SNX4: variants seen among roughly 807,000 people sequenced by gnomAD.
The protein encoded by SNX4 is sorting nexin 4.
In SNX4, 49 loss-of-function variants were observed where a neutral mutation model predicts 70.8. That is an observed-to-expected ratio of 0.69 (90% CI 0.55 to 0.88). The LOEUF is 0.88. Among genes scored for constraint, SNX4 ranks in the 40% least tolerant of loss-of-function variants. The pLI, the probability that SNX4 is intolerant of heterozygous loss-of-function variation, is 0.00. For synonymous variants in SNX4, 206 were observed against 183.8 expected, an observed-to-expected ratio of 1.12 and a Z score of -0.98; for missense variants, 528 against 544.8, an observed-to-expected ratio of 0.97 and a Z score of 0.31.
chr3:125,463,919 A>AT (rs1202570351), intron 9 of SNX4, among the ~76,000 whole-genome samples: 1 of 152,120 alleles, frequency 6.6e-6, no homozygotes, highest in Non-Finnish European at 1.5e-5. Context: ...TTTTTAAAAA[A>AT]TAGTAAAGGC....
chr3:125,510,644 T>A (rs746773942), intron 1 of SNX4, among the ~76,000 whole-genome samples: 1 of 152,238 alleles, frequency 6.6e-6, no homozygotes, highest in Non-Finnish European at 1.5e-5. Flanking sequence ...AAAGACATTA[T>A]GATAAGTGAA....
intron 2 of SNX4, among the ~76,000 whole-genome samples, chr3:125,499,116 C>T (rs2107561104): frequency 6.6e-6 from 1 of 152,290 alleles, no homozygotes; most frequent in African/African-American, 2.4e-5. Flanking sequence ...TGCCATGTCT[C>T]ATACATACAA....
Position 125,492,421 on chromosome 3 carries a change from A to G in SNX4, c.598-2958T>C, listed in dbSNP as rs139648381. 5.0e-4 allele frequency among the ~76,000 whole-genome samples: 76 copies of G among 151,280 alleles called. No homozygotes were observed. The East Asian group carries it at 0.013, about 26-fold the overall frequency. Reference sequence around the variant, plus strand: ...AGTCCTGGTTTATAACTGTTGTCCTAATCTTTTTTTTTTTCAAGACAGAGT... The same window carrying G: ...AGTCCTGGTTTATAACTGTTGTCCTGATCTTTTTTTTTTTCAAGACAGAGT... On this transcript the variant is annotated intron_variant, in intron 5 of 13. Transcript: ENST00000251775.
chr3:125,492,052 G>A (rs1437958168), intron 5 of SNX4, among the ~76,000 whole-genome samples: 1 of 141,164 alleles, frequency 7.1e-6, no homozygotes, highest in African/African-American at 2.7e-5. Flanking sequence ...AGTTTGCAGT[G>A]AGCCGAGATC....
At chr3:125,466,859 C>T (rs575103526) in intron 9 of SNX4, among the ~76,000 whole-genome samples, 3 of 152,032 alleles carry the variant, frequency 2.0e-5, no homozygotes, top group Non-Finnish European at 2.9e-5. Flanking sequence ...CTGAGGTGGG[C>T]GGATCATGAG....
At chr3:125,464,288 T>A in intron 9 of SNX4, among the ~76,000 whole-genome samples, 1 of 152,152 alleles carries the variant, frequency 6.6e-6, no homozygotes, top group Non-Finnish European at 1.5e-5. Flanking sequence ...TAAACAAAAA[T>A]TTTAAATTTG....
chr3:125,513,188 TAA>T (rs1935206071), intron 1 of SNX4, among the ~76,000 whole-genome samples: 1 of 152,096 alleles, frequency 6.6e-6, no homozygotes, highest in Admixed American at 6.6e-5. Flanking sequence ...AGTGCCCTGA[TAA>T]AAGAGACCCC....
chr3:125,497,589 T>C (rs940008738), intron 4 of SNX4, among the ~76,000 whole-genome samples: 35 of 152,300 alleles, frequency 2.3e-4, no homozygotes, highest in African/African-American at 8.4e-4. Context: ...TTTATAGATC[T>C]GGGCTTCAAA....
At chr3:125,464,306 C>A (rs1933953435) in intron 9 of SNX4, among the ~76,000 whole-genome samples, 1 of 152,020 alleles carries the variant, frequency 6.6e-6, no homozygotes, top group Non-Finnish European at 1.5e-5. Flanking sequence ...TTGATGAAGA[C>A]CAATTTGCCA....
At chr3:125,510,620 G>T (rs569164043) in intron 1 of SNX4, among the ~76,000 whole-genome samples, 1 of 152,220 alleles carries the variant, frequency 6.6e-6, no homozygotes, top group African/African-American at 2.4e-5. Flanking sequence ...CTACAACATG[G>T]ATATATATAT....
At chr3:125,504,511 C>A in intron 2 of SNX4, 112 bp downstream of exon 2, 1 of 1,056,998 alleles carries the variant, frequency 9.5e-7, no homozygotes, top group Non-Finnish European at 1.4e-6. Context: ...CAAAGTCAAT[C>A]CCGAAAAAAA....
intron 2 of SNX4, among the ~76,000 whole-genome samples, chr3:125,498,449 A>G (rs899241979): frequency 6.6e-6 from 1 of 152,126 alleles, no homozygotes; most frequent in Non-Finnish European, 1.5e-5. Context: ...CCTCCTGAGT[A>G]GCTGGGACCA....
At chr3:125,478,804 C>T (rs1934342716) in intron 7 of SNX4, among the ~76,000 whole-genome samples, 1 of 151,932 alleles carries the variant, frequency 6.6e-6, no homozygotes, top group African/African-American at 2.4e-5. Flanking sequence ...GAATGTTTGT[C>T]CCCCATCTGC....
chr3:125,505,775 C>G (rs1291306133), intron 1 of SNX4, among the ~76,000 whole-genome samples: 1 of 152,114 alleles, frequency 6.6e-6, no homozygotes, highest in Non-Finnish European at 1.5e-5. Context: ...TTTCTTTTGA[C>G]CCCCTTTTGT....
intron 2 of SNX4, among the ~76,000 whole-genome samples, chr3:125,498,668 T>C (rs1429518504): frequency 6.6e-6 from 1 of 152,206 alleles, no homozygotes; most frequent in African/African-American, 2.4e-5. Context: ...GCACAGTATA[T>C]GCTCTGCCTA....
At chr3:125,513,682 C>T (rs1183170888) in intron 1 of SNX4, among the ~76,000 whole-genome samples, 1 of 152,162 alleles carries the variant, frequency 6.6e-6, no homozygotes, top group Non-Finnish European at 1.5e-5. Context: ...AGGCGTGATG[C>T]TTCCGTGTTA....
At chr3:125,470,436 T>C (rs919484492) in intron 8 of SNX4, among the ~76,000 whole-genome samples, 1 of 150,928 alleles carries the variant, frequency 6.6e-6, no homozygotes, top group Non-Finnish European at 1.5e-5. Context: ...AAAAATAAAA[T>C]AGTATTATAC....
chr3:125,459,627 C>T (rs1388430028), intron 10 of SNX4, among the ~76,000 whole-genome samples: 4 of 151,976 alleles, frequency 2.6e-5, no homozygotes, highest in Non-Finnish European at 5.9e-5. Flanking sequence ...TTAGTAGAGA[C>T]GGGGTTTCAC....
intron 2 of SNX4, among the ~76,000 whole-genome samples, chr3:125,500,029 C>T (rs1934889307): frequency 6.6e-6 from 1 of 151,946 alleles, no homozygotes; most frequent in South Asian, 2.1e-4. Context: ...CAACGCACTC[C>T]AGCCTGGGCA....
Sources: allele counts gnomAD v4.1 joint callset (sites outside exome capture counted in the v4.1 genomes callset), GRCh38; gene constraint gnomAD v4.1.1; transcripts MANE v1.5; gene names NCBI Gene and HGNC (gene_info 2026-07-23, HGNC 2026-07-21).